CNTNAP2: variants seen among roughly 807,000 people sequenced by gnomAD.
The protein encoded by CNTNAP2 is contactin associated protein 2, also known as contactin-associated protein-like 2.
A neutral mutation model predicts 155.2 loss-of-function variants in CNTNAP2; 98 were observed. The ratio of observed to expected loss-of-function variants is 0.63; its 90% confidence interval spans 0.54 to 0.75. The LOEUF is 0.75. Among genes scored for constraint, CNTNAP2 ranks in the 30% least tolerant of loss-of-function variants. The pLI is 0.00. For synonymous variants in CNTNAP2, 651 were observed against 631.2 expected (o/e 1.03, Z -0.47); for missense variants, 1,727 against 1,688.1 (o/e 1.02, Z -0.40).
chr7:146,748,370 C>T (rs1801848157), intron 1 of CNTNAP2, among the ~76,000 whole-genome samples: 1 of 152,010 alleles, frequency 6.6e-6, no homozygotes, highest in African/African-American at 2.4e-5. Context: ...TGGTCTGGAT[C>T]TCCTGACCTC....
intron 9 of CNTNAP2, among the ~76,000 whole-genome samples, chr7:147,314,023 C>A (rs1795178066): frequency 6.6e-6 from 1 of 152,068 alleles, no homozygotes; most frequent in South Asian, 2.1e-4. Context: ...CTGTTTGAAG[C>A]AATTGTGAAT....
chr7:147,143,643 A>G (rs1411544649), intron 8 of CNTNAP2, among the ~76,000 whole-genome samples: 1 of 152,206 alleles, frequency 6.6e-6, no homozygotes, highest in Non-Finnish European at 1.5e-5. Flanking sequence ...ATCAGTTTAT[A>G]TAAACCAAAT....
At chr7:148,052,109 A>C (rs1469884169) in intron 15 of CNTNAP2, among the ~76,000 whole-genome samples, 1 of 149,490 alleles carries the variant, frequency 6.7e-6, no homozygotes, top group Non-Finnish European at 1.5e-5. Flanking sequence ...ACTGCACTCC[A>C]GCCTGGGCGA....
intron 8 of CNTNAP2, among the ~76,000 whole-genome samples, chr7:147,143,530 A>G (rs1801642022): frequency 6.6e-6 from 1 of 152,102 alleles, no homozygotes; most frequent in African/African-American, 2.4e-5. Flanking sequence ...GTTTAGCACA[A>G]TGTCTTACTT....
rs376688404 is a variant in CNTNAP2 at position 146,677,076 on chromosome 7, G to GT, written c.98-97191dup. 2.3e-3 allele frequency among the ~76,000 whole-genome samples: 344 copies of GT among 152,266 alleles called. 3 individuals carry two copies. The highest frequency in any genetic ancestry group is 8.2e-3 in the African/African-American group (339 of 41,552). On this transcript the variant is annotated intron_variant, in intron 1 of 23. Coordinates refer to ENST00000361727, the MANE Select transcript of CNTNAP2 (RefSeq NM_014141.6). ...CCCAAGGTGGTTGGGCTACAACTTG[G>GT]TTTTATACATTTAGGGAGACATGAG... is the stretch of plus-strand genomic sequence containing the variant.
chr7:146,806,723 A>C (rs1286963321), intron 2 of CNTNAP2, among the ~76,000 whole-genome samples: 1 of 152,150 alleles, frequency 6.6e-6, no homozygotes, highest in Non-Finnish European at 1.5e-5. Flanking sequence ...AAGTCTTTCA[A>C]ATTAATGTCC....
intron 1 of CNTNAP2, among the ~76,000 whole-genome samples, chr7:146,738,818 T>C (rs2129180705): frequency 6.6e-6 from 1 of 151,828 alleles, no homozygotes; most frequent in Admixed American, 6.6e-5. Context: ...TCCTTACTTG[T>C]TATTGGTCTG....
intron 1 of CNTNAP2, among the ~76,000 whole-genome samples, chr7:146,362,483 G>A (rs1345090070): frequency 1.3e-5 from 2 of 152,124 alleles, no homozygotes; most frequent in African/African-American, 4.8e-5. Context: ...AGCAGCCTGT[G>A]AATGGCAGAG....
At chr7:147,369,544 C>T (rs1796306706) in intron 9 of CNTNAP2, among the ~76,000 whole-genome samples, 1 of 152,190 alleles carries the variant, frequency 6.6e-6, no homozygotes, top group South Asian at 2.1e-4. Flanking sequence ...AGTCAAGAAT[C>T]AGCAGTCTGT....
chr7:146,195,912 C>T (rs1012250061), intron 1 of CNTNAP2, among the ~76,000 whole-genome samples: 1 of 152,206 alleles, frequency 6.6e-6, no homozygotes, highest in African/African-American at 2.4e-5. Context: ...GTCAAACTCC[C>T]TTCATGACCA....
chr7:146,497,041 T>C (rs1465739129), intron 1 of CNTNAP2, among the ~76,000 whole-genome samples: 2 of 152,182 alleles, frequency 1.3e-5, no homozygotes, highest in Non-Finnish European at 2.9e-5. Context: ...TTTCCACTTC[T>C]TAATGACCCT....
chr7:147,142,580 TG>T (rs1031096996), intron 8 of CNTNAP2, among the ~76,000 whole-genome samples: 2 of 152,164 alleles, frequency 1.3e-5, no homozygotes, highest in Non-Finnish European at 2.9e-5. Context: ...AGGATGATGC[TG>T]GCCTCATAAA....
chr7:146,874,296 T>C (rs2129207841), intron 3 of CNTNAP2, among the ~76,000 whole-genome samples: 1 of 152,276 alleles, frequency 6.6e-6, no homozygotes, highest in African/African-American at 2.4e-5. Context: ...GAACTTTGTC[T>C]AGATAAACAA....
chr7:147,329,824 C>T (rs2252658), intron 9 of CNTNAP2, among the ~76,000 whole-genome samples: 261 of 151,594 alleles, frequency 1.7e-3, no homozygotes, highest in African/African-American at 5.8e-3. Flanking sequence ...TCCTTTGTCA[C>T]GGTGCACTTA....
chr7:147,224,720 G>A (rs1413874659), intron 8 of CNTNAP2, among the ~76,000 whole-genome samples: 3 of 151,974 alleles, frequency 2.0e-5, no homozygotes, highest in African/African-American at 4.8e-5. Flanking sequence ...AATGGGTGAA[G>A]TATGAATGAG....
chr7:148,366,864 C>T (rs1422256294), intron 21 of CNTNAP2, among the ~76,000 whole-genome samples: 1 of 152,076 alleles, frequency 6.6e-6, no homozygotes, highest in Non-Finnish European at 1.5e-5. Flanking sequence ...TTCAAAAATG[C>T]AAATCCAGGG....
chr7:146,142,080 T>C (rs1184323813), intron 1 of CNTNAP2, among the ~76,000 whole-genome samples: 1 of 152,176 alleles, frequency 6.6e-6, no homozygotes, highest in East Asian at 1.9e-4. Flanking sequence ...TCTCACCATA[T>C]TGCAATTAAC....
At chr7:147,071,599 C>A (rs1236568849) in intron 4 of CNTNAP2, among the ~76,000 whole-genome samples, 1 of 152,188 alleles carries the variant, frequency 6.6e-6, no homozygotes, top group Non-Finnish European at 1.5e-5. Context: ...ATAGGGTCAT[C>A]ATTCACTTAA....
At chr7:146,899,641 A>G (rs1325586442) in intron 3 of CNTNAP2, among the ~76,000 whole-genome samples, 1 of 152,186 alleles carries the variant, frequency 6.6e-6, no homozygotes, top group Admixed American at 6.5e-5. Flanking sequence ...GCTCAAACCA[A>G]TTCCAGATAG....
Sources: gnomAD v4.1 joint callset for allele counts (sites outside exome capture counted in the v4.1 genomes callset) on GRCh38, gnomAD v4.1.1 for gene constraint, MANE v1.5 for transcripts, NCBI Gene and HGNC (gene_info 2026-07-23, HGNC 2026-07-21) for gene names.